The following DMRT3 variants were observed in gnomAD, a reference collection of about 807,000 sequenced individuals.
DMRT3 encodes the protein doublesex- and mab-3-related transcription factor 3.
DMRT3 carries 29 observed loss-of-function variants against 34.9 expected under a neutral mutation model. That is an observed-to-expected ratio of 0.83 (90% CI 0.62 to 1.13). The LOEUF is 1.13. Among genes scored for constraint, DMRT3 ranks in the 50% most tolerant of loss-of-function variants. The pLI is 0.00. For missense variants in DMRT3, 772 were observed against 629.1 expected (o/e 1.23, Z -2.43); for synonymous variants, 350 against 286.0 (o/e 1.22, Z -2.26).
rs1050612919 is a variant in DMRT3 at position 989,872 on chromosome 9, C to G, written c.455-169C>G. On this transcript the variant is annotated intron_variant, in intron 1 of 1. Coordinates refer to ENST00000190165, the MANE Select transcript of DMRT3 (RefSeq NM_021240.4). ...ATCTTTATTTACAGGGTTTTTGTTT[C>G]ATTTGCCAGTGATATAGTTCGAATT... The G allele has an allele frequency of 3.9e-6, 3 of 766,098 alleles. No homozygotes were observed. The South Asian group carries it at 6.9e-5, about 18-fold the overall frequency. The allele number at this position is 766,098 out of a possible 1,614,324, so 47.5% of individuals were successfully genotyped here. A position where few individuals can be genotyped will look rare whatever the true frequency, so the allele number is the denominator to read the frequency against.
chr9:977,114 T>C lies in DMRT3; in HGVS notation c.113T>C (p.Leu38Pro). Reference sequence around the variant, plus strand: ...GCGCGCTGCCGCAACCATGGCGTCCTGTCCTGGCTCAAGGGCCACAAGCGT... The same window carrying C: ...GCGCGCTGCCGCAACCATGGCGTCCCGTCCTGGCTCAAGGGCCACAAGCGT... ...KCARCRNHGV[L>P]SWLKGHKRYC... The change falls in exon 1 of 2, where the codon CTG becomes CCG. Residue 38 changes from leucine to proline, a missense_variant. Coordinates refer to ENST00000190165, the MANE Select transcript of DMRT3 (RefSeq NM_021240.4). The C allele has an allele frequency of 6.2e-7, 1 of 1,609,396 alleles. No homozygotes were observed.
chr9:983,684 C>T (rs560605798), intron 1 of DMRT3, among the ~76,000 whole-genome samples: 1 of 152,226 alleles, frequency 6.6e-6, no homozygotes, highest in South Asian at 2.1e-4. Flanking sequence ...TAGGTAATTT[C>T]CCCTCTGCTT....
chr9:984,096 A>G (rs1188310175), intron 1 of DMRT3, among the ~76,000 whole-genome samples: 8 of 152,168 alleles, frequency 5.3e-5, no homozygotes, highest in Admixed American at 1.3e-4. Flanking sequence ...GCGTTTGTCT[A>G]CGATTAGAAT....
chr9:986,242 A>G (rs187047975), intron 1 of DMRT3, among the ~76,000 whole-genome samples: 9 of 152,318 alleles, frequency 5.9e-5, no homozygotes, highest in Non-Finnish European at 1.3e-4. Flanking sequence ...ACTTAGGAAA[A>G]TAGGTACAAG....
In DMRT3 at chr9:976,752, G is replaced by T. The variant is rs1820151542; in HGVS notation, c.-250G>T. Among the ~76,000 whole-genome samples, 1 of 152,172 alleles carries T rather than the reference G, an allele frequency of 6.6e-6. No homozygotes were observed. On this transcript the variant is annotated 5_prime_UTR_variant, in exon 1 of 2. Transcript: ENST00000190165. The surrounding 1 kb of genome is among the most constrained non-coding windows in gnomAD (Gnocchi z 4.5). ...GGAGGACGTGCCGACCCGGCTGCGC[G>T]CCCAAGGCAGAGGCCCGCGTCGGCG... is the stretch of plus-strand genomic sequence containing the variant.
rs1820338474 is a variant in DMRT3, at chr9:990,283, G to A, written c.697G>A (p.Glu233Lys). 4 of 1,613,800 alleles carry A rather than the reference G, an allele frequency of 2.5e-6. No homozygotes were observed. Among genetic ancestry groups the A allele is most frequent in the Non-Finnish European group, 3.4e-6 (4 of 1,180,022 alleles). ...CGCGGAGCAGAATCACCTCCTGATTGAGGGCCCCTCGGGGACTGTTTCTCT... is the reference window on the plus strand; with the variant it reads ...CGCGGAGCAGAATCACCTCCTGATTAAGGGCCCCTCGGGGACTGTTTCTCT... Reference protein sequence around the residue: ...CHAEQNHLLIEGPSGTVSLPF... With the variant: ...CHAEQNHLLIKGPSGTVSLPF... The change falls in exon 2 of 2, where the codon GAG (glutamate) becomes AAG (lysine). Residue 233 changes from glutamate to lysine, a missense_variant. Glu to Lys is a moderately conservative substitution (Grantham distance 56). Transcript: ENST00000190165.
At chr9:985,582 A>C (rs2130067978) in intron 1 of DMRT3, among the ~76,000 whole-genome samples, 1 of 152,366 alleles carries the variant, frequency 6.6e-6, no homozygotes, top group East Asian at 1.9e-4. Context: ...TACCTGTGAA[A>C]GTCTGTATTT....
In DMRT3 at chr9:990,404, G is replaced by A; in HGVS notation, c.818G>A (p.Gly273Asp). The change falls in exon 2 of 2, where the codon GGC becomes GAC. Residue 273 changes from glycine (G) to aspartate (D), a missense_variant. Gly to Asp is a moderately conservative substitution (Grantham distance 94). Coordinates refer to ENST00000190165, the MANE Select transcript of DMRT3 (RefSeq NM_021240.4). ...ACGGTGCTTGAGCTCATCCTCAAGGGCTGTGGCGGGGACCTGGTGAGCGCC... is the reference window on the plus strand; with the variant it reads ...ACGGTGCTTGAGCTCATCCTCAAGGACTGTGGCGGGGACCTGGTGAGCGCC... Reference protein sequence around the residue: ...KPTVLELILKGCGGDLVSAVE... With the variant: ...KPTVLELILKDCGGDLVSAVE... The A allele has an allele frequency of 6.2e-7, 1 of 1,614,062 alleles. No individual in the cohort carries two copies.
At chr9:987,117 A>C (rs1309241036) in intron 1 of DMRT3, among the ~76,000 whole-genome samples, 1 of 152,144 alleles carries the variant, frequency 6.6e-6, no homozygotes, top group East Asian at 1.9e-4. Context: ...GCATTTATTC[A>C]AAATGTTGTG....
intron 1 of DMRT3, among the ~76,000 whole-genome samples, chr9:983,174 A>G (rs2130062826): frequency 6.6e-6 from 1 of 152,334 alleles, no homozygotes; most frequent in South Asian, 2.1e-4. Context: ...ACAATCAAGT[A>G]CCAAGTAACA....
rs1326032434 is a variant in DMRT3 at position 990,121 on chromosome 9, A to G, written c.535A>G (p.Ser179Gly). 1.2e-6 allele frequency: 2 copies of G among 1,614,026 alleles called. No individual in the cohort carries two copies. Among genetic ancestry groups the G allele is most frequent in the Non-Finnish European group, 1.7e-6 (2 of 1,180,018 alleles). Residue 179 changes from serine to glycine, a missense_variant, in exon 2 of 2, where the codon AGT becomes GGT. Transcript: ENST00000190165. ...VFSDKDTDQRSSPDVAKSKGC... is the reference protein window; with the variant it reads ...VFSDKDTDQRGSPDVAKSKGC... Reference sequence around the variant, plus strand: ...CAGTGACAAAGACACTGACCAGAGGAGTTCCCCAGATGTGGCAAAGAGTAA... The same window carrying G: ...CAGTGACAAAGACACTGACCAGAGGGGTTCCCCAGATGTGGCAAAGAGTAA...
chr9:990,677 A>AG lies in DMRT3; in HGVS notation c.1092dup (p.Pro365AlafsTer24). Reference sequence around the variant, plus strand: ...GGGCCTCTGCAGCCCCCTTTCCCCCAGCCACCCCGGTACCCGCTGATGCTG... The same window carrying AG: ...GGGCCTCTGCAGCCCCCTTTCCCCCAGGCCACCCCGGTACCCGCTGATGCTG... On this transcript the variant is annotated frameshift_variant, in exon 2 of 2. Coordinates refer to ENST00000190165, the MANE Select transcript of DMRT3 (RefSeq NM_021240.4). LOFTEE classifies it high-confidence loss of function. 6.2e-7 allele frequency: 1 copy of AG among 1,613,770 alleles called. No individual in the cohort carries two copies. Among genetic ancestry groups the AG allele is most frequent in the Non-Finnish European group, 8.5e-7 (1 of 1,179,954 alleles).
Position 976,784 on chromosome 9 carries a change from G to A in DMRT3, c.-218G>A, listed in dbSNP as rs1425589255. ...GCAGAGGCCCGCGTCGGCGTTGGCT[G>A]GGCGTGAGCTGGGAGGCCGAGCTGT... On this transcript the variant is annotated 5_prime_UTR_variant, in exon 1 of 2. Coordinates refer to ENST00000190165, the MANE Select transcript of DMRT3 (RefSeq NM_021240.4). This position sits in a 1 kb window ranked among gnomAD's most constrained non-coding sequence, Gnocchi z 4.5. 1.3e-5 allele frequency among the ~76,000 whole-genome samples: 2 copies of A among 152,164 alleles called. No homozygotes were observed. The highest frequency in any genetic ancestry group is 4.8e-5 in the African/African-American group (2 of 41,448).
At position 990,394 on chromosome 9, in the gene DMRT3, A is replaced by C; in HGVS notation, c.808A>C (p.Ile270Leu). ...CCAGAAGCCAACGGTGCTTGAGCTCATCCTCAAGGGCTGTGGCGGGGACCT... is the reference window on the plus strand; with the variant it reads ...CCAGAAGCCAACGGTGCTTGAGCTCCTCCTCAAGGGCTGTGGCGGGGACCT... ...PNQKPTVLEL[I>L]LKGCGGDLVS... is the part of the protein sequence containing the mutation. The change falls in exon 2 of 2, where the codon ATC becomes CTC. Residue 270 changes from isoleucine (I) to leucine (L), a missense_variant. Transcript: ENST00000190165. 6.2e-7 allele frequency: 1 copy of C among 1,614,068 alleles called. No homozygotes were observed. Among genetic ancestry groups the C allele is most frequent in the Non-Finnish European group, 8.5e-7 (1 of 1,180,028 alleles).
Position 976,832 on chromosome 9 carries a change from A to T in DMRT3, c.-170A>T. On this transcript the variant is annotated 5_prime_UTR_variant, in exon 1 of 2. Coordinates refer to ENST00000190165, the MANE Select transcript of DMRT3 (RefSeq NM_021240.4). The surrounding 1 kb of genome is among the most constrained non-coding windows in gnomAD (Gnocchi z 4.5). ...TGTGAGCGCGAAGGGAGCTGGAGAG[A>T]CGACTGCGGCACCTCCGGCCGCCCC... 1.8e-6 allele frequency: 1 copy of T among 559,984 alleles called. No individual in the cohort carries two copies. Among genetic ancestry groups the T allele is most frequent in the Non-Finnish European group, 2.8e-6 (1 of 361,636 alleles). 34.7% of individuals were successfully genotyped at this position (559,984 alleles called of 1,614,324 possible). A position where few individuals can be genotyped will look rare whatever the true frequency, so the allele number is the denominator to read the frequency against.
rs1453823164 is a variant in DMRT3, at chr9:991,095, C to T, written c.*90C>T. The stretch of plus-strand genomic sequence containing the variant: ...GGAGAGGCCACATCTTGTGTATGCC[C>T]TTTCCTTCTGTTTGACAAAGTGACT... On this transcript the variant is annotated 3_prime_UTR_variant, in exon 2 of 2. Transcript: ENST00000190165. The T allele has an allele frequency of 6.8e-7, 1 of 1,474,542 alleles. No homozygotes were observed. The highest frequency in any genetic ancestry group is 2.3e-5 in the East Asian group (1 of 43,728). 91.3% of individuals were successfully genotyped at this position (1,474,542 alleles called of 1,614,324 possible).
intron 1 of DMRT3, among the ~76,000 whole-genome samples, chr9:982,617 G>A (rs570969920): frequency 1.3e-5 from 2 of 152,328 alleles, no homozygotes; most frequent in African/African-American, 4.8e-5. Context: ...GCATTGATGA[G>A]AAATTCTTTG....
At chr9:983,640 A>G (rs960995811) in intron 1 of DMRT3, among the ~76,000 whole-genome samples, 1 of 152,220 alleles carries the variant, frequency 6.6e-6, no homozygotes, top group Non-Finnish European at 1.5e-5. Flanking sequence ...AGACAGGTGC[A>G]TTTTGGAAGG....
In DMRT3 at chr9:990,913, C is replaced by G; in HGVS notation, c.1327C>G (p.Pro443Ala). 1 of 1,614,100 alleles carries G rather than the reference C, an allele frequency of 6.2e-7. No individual in the cohort carries two copies. The highest frequency in any genetic ancestry group is 8.5e-7 in the Non-Finnish European group (1 of 1,180,026). ...PRISIPDDGC[P>A]FVSKQSIYTE... is the part of the protein sequence containing the mutation. ...GATTTCCATCCCTGATGATGGGTGT[C>G]CATTTGTGTCAAAGCAGTCCATTTA... Residue 443 changes from proline (P) to alanine (A), a missense_variant, in exon 2 of 2, where the codon CCA (proline) becomes GCA (alanine). Transcript: ENST00000190165.
Sources: allele counts gnomAD v4.1 joint callset (sites outside exome capture counted in the v4.1 genomes callset), GRCh38; gene constraint gnomAD v4.1.1; non-coding constraint Gnocchi (gnomAD v3.1); transcripts MANE v1.5; gene names NCBI Gene and HGNC (gene_info 2026-07-23, HGNC 2026-07-21).